Variants in SYNPO2 observed in about 807,000 individuals in gnomAD.
SYNPO2 encodes the protein synaptopodin-2.
Under a neutral mutation model 85.0 loss-of-function variants are expected in SYNPO2, and 56 were observed. The ratio of observed to expected loss-of-function variants is 0.66; its 90% CI spans 0.53 to 0.82. The LOEUF is 0.82. Ranked by LOEUF, SYNPO2 falls within the 40% of genes least tolerant of loss-of-function variation. The pLI is 0.00. For missense variants in SYNPO2, 1,575 were observed against 1,534.2 expected, an observed-to-expected ratio of 1.03 and a Z score of -0.44; for synonymous variants, 602 against 591.1, an observed-to-expected ratio of 1.02 and a Z score of -0.27.
rs72909255 is a variant in SYNPO2 at position 118,918,135 on chromosome 4, T to C, written c.105+28994T>C. 3.9e-3 allele frequency among the ~76,000 whole-genome samples: 590 copies of C among 152,276 alleles called. 4 individuals carry two copies. Among genetic ancestry groups the C allele is most frequent in the African/African-American group, 0.013 (531 of 41,556 alleles). On this transcript the variant is annotated intron_variant, in intron 1 of 4. Coordinates refer to ENST00000307142, the MANE Select transcript of SYNPO2 (RefSeq NM_133477.3). ...ATTCTTTGCCATACAAATTCCACAT[T>C]ATAAAAACTTTCTAGAAACTGAAAG...
rs549303016 is a variant in SYNPO2 at position 118,944,345 on chromosome 4, G to A, written c.105+55204G>A. On this transcript the variant is annotated intron_variant, in intron 1 of 4. Transcript: ENST00000307142. ...CTCATACTTCTTGGGAAACTCTTTA[G>A]TCCTGGGGAAATCAAGTTACCCCAA... Among the ~76,000 whole-genome samples the A allele has an allele frequency of 3.8e-4, 58 of 152,142 alleles. 2 individuals carry two copies. The South Asian group carries it at 0.012, about 31-fold the overall frequency.
chr4:118,977,466 C>G (rs972046974), intron 1 of SYNPO2, among the ~76,000 whole-genome samples: 1 of 152,240 alleles, frequency 6.6e-6, no homozygotes, highest in African/African-American at 2.4e-5. Flanking sequence ...GGAGTGGGCT[C>G]CGGCCTTGGA....
Position 119,057,892 on chromosome 4 carries a change from C to G in SYNPO2, c.3744C>G (p.Tyr1248Ter). 6.2e-7 allele frequency: 1 copy of G among 1,614,048 alleles called. No individual in the cohort carries two copies. The highest frequency in any genetic ancestry group is 8.5e-7 in the Non-Finnish European group (1 of 1,179,994). The change falls in exon 5 of 5, where the codon TAC (tyrosine) becomes TAG (stop). Residue 1248 changes from tyrosine (Y) to a stop codon, truncating the protein, a stop_gained. Transcript: ENST00000307142. LOFTEE classifies it high-confidence loss of function. ...ATTACTGTCTTCCAGTAGCTGATTA[C>G]AACTACAACCCACACCCAAGGGGAT... ...RSDYCLPVAD[Y>*]NYNPHPRGWR...
chr4:118,909,902 G>A (rs1426817), intron 1 of SYNPO2, among the ~76,000 whole-genome samples: 127,724 of 152,180 alleles, frequency 0.84, 53,844 homozygotes, highest in Middle Eastern at 0.94. Context: ...CAAATGAGAC[G>A]ACACCGCAGT....
Position 119,034,492 on chromosome 4 carries a change from G to T in SYNPO2, c.3252+2465G>T. The T allele has an allele frequency of 4.1e-6, 4 of 985,404 alleles. No individual in the cohort carries two copies. The South Asian group carries it at 1.4e-4, about 35-fold the overall frequency. The allele number at this position is 985,404 out of a possible 1,614,324, so 61.0% of individuals were successfully genotyped here. The stretch of plus-strand genomic sequence containing the variant: ...TGCAAATAACATGACTATGCCTTCT[G>T]GTCATCCTAGGACTATTTGGAGTTC... On this transcript the variant is annotated intron_variant, in intron 4 of 4. Coordinates refer to ENST00000307142, the MANE Select transcript of SYNPO2 (RefSeq NM_133477.3).
At chr4:118,965,930 T>TAA (rs59092815) in intron 1 of SYNPO2, among the ~76,000 whole-genome samples, 6 of 151,416 alleles carry the variant, frequency 4.0e-5, no homozygotes, top group South Asian at 2.1e-4. Flanking sequence ...AGATTTTTTT[T>TAA]AAAAAAAATT....
intron 1 of SYNPO2, among the ~76,000 whole-genome samples, chr4:118,989,247 T>C (rs2149167081): frequency 6.6e-6 from 1 of 152,284 alleles, no homozygotes; most frequent in South Asian, 2.1e-4. Context: ...TGGCTCATGA[T>C]TATGCCTGTG....
At chr4:119,006,209 A>G (rs1737025851) in intron 1 of SYNPO2, 1 of 152,678 alleles carries the variant, frequency 6.5e-6, no homozygotes, top group Non-Finnish European at 1.5e-5. Context: ...TAATACATGA[A>G]GCCAAAAGGA....
intron 1 of SYNPO2, among the ~76,000 whole-genome samples, chr4:118,986,667 A>G (rs1359795398): frequency 6.6e-6 from 1 of 152,206 alleles, no homozygotes; most frequent in African/African-American, 2.4e-5. Context: ...GCTGTATTTT[A>G]AACTAGTCCA....
chr4:119,015,424 C>T (rs1405103812), intron 1 of SYNPO2, among the ~76,000 whole-genome samples: 2 of 152,006 alleles, frequency 1.3e-5, no homozygotes, highest in African/African-American at 4.8e-5. Context: ...GAGACAAATG[C>T]AGACTTCATA....
chr4:118,988,216 C>G (rs1331273187), intron 1 of SYNPO2, among the ~76,000 whole-genome samples: 1 of 152,140 alleles, frequency 6.6e-6, no homozygotes, highest in Non-Finnish European at 1.5e-5. Context: ...TGTGAATGTA[C>G]ACCTGTGTAG....
chr4:118,986,937 TTC>T (rs1736241532), intron 1 of SYNPO2, among the ~76,000 whole-genome samples: 1 of 152,116 alleles, frequency 6.6e-6, no homozygotes, highest in Non-Finnish European at 1.5e-5. Context: ...GAACAGAAAA[TTC>T]TAGTGGATCA....
At chr4:118,941,679 A>G (rs1734317243) in intron 1 of SYNPO2, among the ~76,000 whole-genome samples, 3 of 152,142 alleles carry the variant, frequency 2.0e-5, no homozygotes, top group Non-Finnish European at 2.9e-5. Flanking sequence ...TCTTGTCTCA[A>G]TGATTTTAAT....
intron 4 of SYNPO2, among the ~76,000 whole-genome samples, chr4:119,051,542 C>T (rs1013328866): frequency 6.6e-6 from 1 of 152,062 alleles, no homozygotes; most frequent in Non-Finnish European, 1.5e-5. Flanking sequence ...AATCTAGAGC[C>T]TAAGGATTGA....
chr4:118,879,833 C>T (rs530241659), intron 1 of SYNPO2, among the ~76,000 whole-genome samples: 1 of 152,102 alleles, frequency 6.6e-6, no homozygotes, highest in East Asian at 1.9e-4. Flanking sequence ...AGAATGTTGG[C>T]GGGGTTGGCA....
intron 1 of SYNPO2, among the ~76,000 whole-genome samples, chr4:118,929,206 G>A (rs1439265222): frequency 6.6e-6 from 1 of 151,902 alleles, no homozygotes. Context: ...AGAGGAGAAA[G>A]AAGAGGAAGT....
chr4:118,906,012 T>C (rs1367751398), intron 1 of SYNPO2, among the ~76,000 whole-genome samples: 1 of 152,224 alleles, frequency 6.6e-6, no homozygotes, highest in East Asian at 1.9e-4. Flanking sequence ...CATCTTTTCA[T>C]AGTTCTTGGC....
In SYNPO2 at chr4:119,031,801, G is replaced by C. The variant is rs151113205; in HGVS notation, c.3026G>C (p.Arg1009Pro). 8.1e-6 allele frequency: 13 copies of C among 1,614,022 alleles called. No homozygotes were observed. The African/African-American group carries it at 1.3e-4, about 17-fold the overall frequency. Residue 1009 changes from arginine (R) to proline (P), a missense_variant, in exon 4 of 5, where the codon CGG (arginine) becomes CCG (proline). Coordinates refer to ENST00000307142, the MANE Select transcript of SYNPO2 (RefSeq NM_133477.3). ...GCCATGAAGCAAGCTCTTCCTCCCC[G>C]GCCAGTGAATGCTGCCTCACCTACG... The part of the protein sequence containing the change: ...ALAMKQALPP[R>P]PVNAASPTNV...
intron 1 of SYNPO2, among the ~76,000 whole-genome samples, chr4:119,002,642 G>A (rs1338564216): frequency 6.6e-6 from 1 of 152,104 alleles, no homozygotes; most frequent in Non-Finnish European, 1.5e-5. Flanking sequence ...TATCTTCCTG[G>A]AGTCTCTTCT....
Sources: gnomAD v4.1 joint callset for allele counts (sites outside exome capture counted in the v4.1 genomes callset) on GRCh38, gnomAD v4.1.1 for gene constraint, MANE v1.5 for transcripts, NCBI Gene and HGNC (gene_info 2026-07-23, HGNC 2026-07-21) for gene names.